Variants in SNX31 observed in about 807,000 individuals in gnomAD.
SNX31 encodes sorting nexin-31.
SNX31 carries 58 observed loss-of-function variants against 65.4 expected under a neutral mutation model. That is an observed-to-expected ratio of 0.89 (90% confidence interval 0.72 to 1.10). SNX31 has a LOEUF of 1.10. SNX31 is among the 50% of genes least tolerant of loss of function. The pLI is 0.00. For missense variants in SNX31, 523 were observed against 529.7 expected (o/e 0.99, Z 0.12); for synonymous variants, 181 against 190.1 (o/e 0.95, Z 0.39).
chr8:100,645,101 A>G (rs1819533971), intron 2 of SNX31, among the ~76,000 whole-genome samples: 1 of 152,266 alleles, frequency 6.6e-6, no homozygotes, highest in African/African-American at 2.4e-5. Flanking sequence ...TCTTAAAGCC[A>G]AAGATCACAC....
chr8:100,642,665 C>T (rs1286787217), intron 2 of SNX31, among the ~76,000 whole-genome samples: 12 of 152,154 alleles, frequency 7.9e-5, no homozygotes, highest in Non-Finnish European at 1.8e-4. Context: ...AATTCAACTC[C>T]ACCAAAAGAG....
intron 1 of SNX31, among the ~76,000 whole-genome samples, chr8:100,655,056 G>T (rs1189940107): frequency 2.6e-5 from 4 of 152,068 alleles, no homozygotes; most frequent in African/African-American, 4.8e-5. Context: ...GGTGGGGCCA[G>T]TTACAACAAC....
chr8:100,649,795 G>A, upstream of SNX31: 1 of 397,054 alleles, frequency 2.5e-6, no homozygotes, highest in Admixed American at 4.7e-5. Context: ...CCGGACATCG[G>A]CCACTGTTGG....
upstream of SNX31, among the ~76,000 whole-genome samples, chr8:100,651,864 TG>T (rs1819980594): frequency 6.6e-6 from 1 of 152,190 alleles, no homozygotes; most frequent in African/African-American, 2.4e-5. Flanking sequence ...GAATAGTAGA[TG>T]GGGGATGTGA....
chr8:100,644,911 C>T (rs1422366722), intron 2 of SNX31, among the ~76,000 whole-genome samples: 3 of 152,230 alleles, frequency 2.0e-5, no homozygotes, highest in Admixed American at 1.3e-4. Context: ...GATCCACCCA[C>T]CTTGGCCTCC....
At chr8:100,637,783 C>T (rs906281456) in intron 2 of SNX31, among the ~76,000 whole-genome samples, 66 of 152,158 alleles carry the variant, frequency 4.3e-4, no homozygotes, top group Non-Finnish European at 6.6e-4. Context: ...GCAACCTCCA[C>T]CTCCTGGGTT....
At chr8:100,590,538 G>GGATCT (rs1814477159) in intron 10 of SNX31, among the ~76,000 whole-genome samples, 1 of 152,208 alleles carries the variant, frequency 6.6e-6, no homozygotes. Flanking sequence ...CAACAGTTTG[G>GGATCT]GAGGCTGAGG....
At chr8:100,584,071 G>T in intron 12 of SNX31, 40 bp downstream of exon 12, 1 of 1,571,878 alleles carries the variant, frequency 6.4e-7, no homozygotes, top group Non-Finnish European at 8.7e-7. Flanking sequence ...CTGATAGTGG[G>T]AACGTAAAGT....
chr8:100,575,752 T>C lies in SNX31; in HGVS notation c.1227+1267A>G, dbSNP rs556915263. Among the ~76,000 whole-genome samples, 2 of 152,334 alleles carry C rather than the reference T, an allele frequency of 1.3e-5. No individual in the cohort carries two copies. Among genetic ancestry groups the C allele is most frequent in the African/African-American group, 2.4e-5 (1 of 41,582 alleles). On this transcript the variant is annotated intron_variant, in intron 13 of 13. Coordinates refer to ENST00000311812, the MANE Select transcript of SNX31 (RefSeq NM_152628.4). The surrounding 1 kb of genome is among the most constrained non-coding windows in gnomAD (Gnocchi z 5.1). ...GACCACACACTGAGAACTGGTGTTC[T>C]AGGATAATGGTTCCAATTCTGGTTG...
chr8:100,609,676 G>T lies in SNX31; in HGVS notation c.612-1113C>A, dbSNP rs1162572240. Among the ~76,000 whole-genome samples, 2 of 152,164 alleles carry T rather than the reference G, an allele frequency of 1.3e-5. No homozygotes were observed. The highest frequency in any genetic ancestry group is 1.3e-4 in the Admixed American group (2 of 15,280). On this transcript the variant is annotated intron_variant, in intron 7 of 13. Transcript: ENST00000311812. The surrounding 1 kb of genome is among the most constrained non-coding windows in gnomAD (Gnocchi z 4.9). ...TAGGGTGAATAGACCAATGGGGTTG[G>T]CTTAGACCAGGAAAGGGATAAATAT...
chr8:100,583,031 T>A (rs573463023), intron 12 of SNX31, among the ~76,000 whole-genome samples: 1 of 151,642 alleles, frequency 6.6e-6, no homozygotes, highest in South Asian at 2.1e-4. Context: ...TATTTTCTAT[T>A]ATATTTTAAA....
chr8:100,661,490 C>A (rs1342413990), intron 1 of SNX31, among the ~76,000 whole-genome samples: 1 of 152,002 alleles, frequency 6.6e-6, no homozygotes, highest in African/African-American at 2.4e-5. Context: ...GTAGCGAACA[C>A]CTGAGGCCCT....
chr8:100,604,830 G>T lies in SNX31; in HGVS notation c.681+3664C>A, dbSNP rs1815990228. Among the ~76,000 whole-genome samples, 1 of 152,088 alleles carries T rather than the reference G, an allele frequency of 6.6e-6. No individual in the cohort carries two copies. Among genetic ancestry groups the T allele is most frequent in the African/African-American group, 2.4e-5 (1 of 41,420 alleles). On this transcript the variant is annotated intron_variant, in intron 8 of 13. Transcript: ENST00000311812. The surrounding 1 kb of genome is among the most constrained non-coding windows in gnomAD (Gnocchi z 4.3). ...GTGCCCCTTAATAGTTAATTATGAT[G>T]GATCCATTATTTATCACAACTCAAG...
In SNX31 at chr8:100,578,744, CAG is replaced by C; in HGVS notation, c.1171-1671_1171-1670del. Among the ~76,000 whole-genome samples the C allele has an allele frequency of 7.2e-6, 1 of 139,330 alleles. No individual in the cohort carries two copies. Among genetic ancestry groups the C allele is most frequent in the East Asian group, 2.0e-4 (1 of 5,050 alleles). The allele number at this position is 139,330 out of a possible 152,430, so 91.4% of individuals were successfully genotyped here. A position where few individuals can be genotyped will look rare whatever the true frequency, so the allele number is the denominator to read the frequency against. ...ATTTTATTTTATTATTATTTTGAGA[CAG>C]AGTCTCGCTGTGTTGCCCAGGCTAG... is the stretch of plus-strand genomic sequence containing the variant. On this transcript the variant is annotated intron_variant, in intron 12 of 13. Transcript: ENST00000311812. The surrounding 1 kb of genome is among the most constrained non-coding windows in gnomAD (Gnocchi z 4.7).
intron 2 of SNX31, among the ~76,000 whole-genome samples, chr8:100,642,577 G>A (rs948577744): frequency 6.6e-6 from 1 of 152,102 alleles, no homozygotes; most frequent in African/African-American, 2.4e-5. Flanking sequence ...CTCCCTTCTC[G>A]GATACTGACC....
intron 12 of SNX31, among the ~76,000 whole-genome samples, chr8:100,577,954 G>A (rs1813183893): frequency 6.6e-6 from 1 of 152,190 alleles, no homozygotes. Flanking sequence ...GGACCACACT[G>A]GAAGAAGAGA....
At chr8:100,656,499 G>A (rs541945469) in intron 1 of SNX31, among the ~76,000 whole-genome samples, 2 of 152,054 alleles carry the variant, frequency 1.3e-5, no homozygotes, top group African/African-American at 4.8e-5. Flanking sequence ...AAATTAGCCA[G>A]GCGTGGTTGT....
intron 12 of SNX31, 39 bp from the exon 13 acceptor site, chr8:100,577,114 AG>A: frequency 1.3e-6 from 2 of 1,547,968 alleles, no homozygotes; most frequent in Non-Finnish European, 1.8e-6. Flanking sequence ...CTCAGCCCAG[AG>A]AAGCAAGCAC....
At chr8:100,591,677 G>T (rs1405529447) in intron 10 of SNX31, among the ~76,000 whole-genome samples, 2 of 151,530 alleles carry the variant, frequency 1.3e-5, no homozygotes, top group Admixed American at 6.6e-5. Flanking sequence ...TACAAAAAAT[G>T]AAAATCAGCT....
Sources: allele counts gnomAD v4.1 joint callset (sites outside exome capture counted in the v4.1 genomes callset), GRCh38; gene constraint gnomAD v4.1.1; non-coding constraint Gnocchi (gnomAD v3.1); transcripts MANE v1.5; gene names NCBI Gene and HGNC (gene_info 2026-07-23, HGNC 2026-07-21).